The following APBA2 variants were observed in gnomAD, a reference collection of about 807,000 sequenced individuals.
APBA2 encodes the protein amyloid beta precursor protein binding family A member 2.
In APBA2, 30 loss-of-function variants were observed where a neutral mutation model predicts 75.0. The ratio of observed to expected loss-of-function variants is 0.40; its 90% CI spans 0.30 to 0.54. The LOEUF (loss-of-function observed/expected upper bound fraction) is 0.54. Among genes scored for constraint, APBA2 ranks in the 20% least tolerant of loss-of-function variants. The probability of loss-of-function intolerance (pLI) is 0.49; values close to 1 mark genes in which losing one functional copy is unlikely to be tolerated. For synonymous variants in APBA2, 444 were observed against 409.6 expected, an observed-to-expected ratio of 1.08 and a Z score of -1.01; for missense variants, 801 against 1,016.1, an observed-to-expected ratio of 0.79 and a Z score of 2.88.
At chr15:28,896,976 C>T (rs192615009) in intron 1 of APBA2, among the ~76,000 whole-genome samples, 11 of 152,224 alleles carry the variant, frequency 7.2e-5, no homozygotes, top group Middle Eastern at 3.4e-3. Flanking sequence ...GGGTCCATTA[C>T]GGGTGTTCAA....
chr15:29,040,788 A>G (rs2040998517), intron 3 of APBA2, among the ~76,000 whole-genome samples: 1 of 152,224 alleles, frequency 6.6e-6, no homozygotes. Context: ...GCAATCTACA[A>G]TTATTTGGGA....
chr15:29,048,919 G>A (rs1015395043), intron 3 of APBA2, among the ~76,000 whole-genome samples: 29 of 150,886 alleles, frequency 1.9e-4, no homozygotes, highest in African/African-American at 6.9e-4. Flanking sequence ...CTCCGGCCTG[G>A]CAACAGAGCA....
chr15:28,939,181 G>A (rs552114521), intron 2 of APBA2, among the ~76,000 whole-genome samples: 10 of 152,284 alleles, frequency 6.6e-5, no homozygotes, highest in South Asian at 4.1e-4. Context: ...TGTGGCATGC[G>A]TCAGAATTGC....
At chr15:28,961,114 A>C (rs2036446645) in intron 2 of APBA2, among the ~76,000 whole-genome samples, 1 of 152,122 alleles carries the variant, frequency 6.6e-6, no homozygotes, top group Non-Finnish European at 1.5e-5. Context: ...TCACACCGGG[A>C]AGTGATTCAT....
intron 4 of APBA2, among the ~76,000 whole-genome samples, chr15:29,065,004 AGTGTGTGTGT>A (rs35524060): frequency 8.1e-5 from 12 of 148,652 alleles, no homozygotes; most frequent in African/African-American, 2.7e-4. Context: ...AGGTGCTCAT[AGTGTGTGTGT>A]GTGTGTGTGT....
At chr15:29,002,694 A>G (rs2152803617) in intron 3 of APBA2, among the ~76,000 whole-genome samples, 1 of 152,248 alleles carries the variant, frequency 6.6e-6, no homozygotes, top group African/African-American at 2.4e-5. Flanking sequence ...GTTGAAAAAC[A>G]GAATGGTGGC....
rs1390288152 is a variant in APBA2 at position 29,116,093 on chromosome 15, GCT to G, written c.2179-967_2179-966del. Among the ~76,000 whole-genome samples, 5 of 152,280 alleles carry G rather than the reference GCT, an allele frequency of 3.3e-5. No individual in the cohort carries two copies. In the East Asian group the frequency reaches 9.7e-4, roughly 30 times the overall value. On this transcript the variant is annotated intron_variant, in intron 14 of 14. Transcript: ENST00000683413. ...TTCTTGAAGCAGACGTTTAGAGTCT[GCT>G]CCTTCCCAGTGTCCGCAAAGAAGGA...
chr15:29,057,867 A>T (rs750074172), intron 4 of APBA2, among the ~76,000 whole-genome samples: 1 of 152,184 alleles, frequency 6.6e-6, no homozygotes, highest in Non-Finnish European at 1.5e-5. Flanking sequence ...CCGTACATCA[A>T]CGTTGACCAT....
rs1371868423 is a variant in APBA2, at chr15:29,116,951, A to G, written c.2179-111A>G. The G allele has an allele frequency of 5.2e-6, 6 of 1,158,762 alleles. No homozygotes were observed. The East Asian group carries it at 1.2e-4, about 23-fold the overall frequency. The allele number at this position is 1,158,762 out of a possible 1,614,324, so 71.8% of individuals were successfully genotyped here. A position where few individuals can be genotyped will look rare whatever the true frequency, so the allele number is the denominator to read the frequency against. ...TGGCCTTCCTCCTTCACTCTAGGAG[A>G]TGGGCATTTGAAGCAGAACTCTGGG... On this transcript the variant is annotated intron_variant, in intron 14 of 14. Transcript: ENST00000683413.
intron 6 of APBA2, among the ~76,000 whole-genome samples, chr15:29,089,868 G>T (rs369721602): frequency 2.0e-5 from 3 of 152,170 alleles, no homozygotes; most frequent in Non-Finnish European, 4.4e-5. Flanking sequence ...TTGTCATTTT[G>T]TCTCCCTCTG....
chr15:29,064,104 C>A (rs577397278), intron 4 of APBA2, among the ~76,000 whole-genome samples: 10 of 152,274 alleles, frequency 6.6e-5, no homozygotes, highest in African/African-American at 2.4e-4. Context: ...CCAAGGGCTG[C>A]CCTGATTTTC....
intron 6 of APBA2, among the ~76,000 whole-genome samples, chr15:29,089,172 A>G (rs1051132180): frequency 2.4e-4 from 36 of 152,252 alleles, no homozygotes; most frequent in Admixed American, 3.9e-4. Context: ...TGTGAGCTCC[A>G]TGTTTCTGTC....
At chr15:28,899,218 G>A (rs980610419) in intron 1 of APBA2, among the ~76,000 whole-genome samples, 14 of 152,206 alleles carry the variant, frequency 9.2e-5, no homozygotes, top group Non-Finnish European at 1.8e-4. Context: ...CCCCAGGCAA[G>A]GGCCCAACCC....
chr15:28,906,692 T>G (rs957902429), intron 1 of APBA2, among the ~76,000 whole-genome samples: 3 of 152,210 alleles, frequency 2.0e-5, no homozygotes, highest in Admixed American at 6.5e-5. Context: ...TTTCATTCAG[T>G]CATGTGGGTA....
rs764031839 is a variant in APBA2, at chr15:29,105,402, C to A, written c.1548C>A (p.Ile516=). The change falls in exon 11 of 15, where the codon ATC becomes ATA. Residue 516 remains isoleucine (I), a synonymous_variant. Transcript: ENST00000683413. ...SEDAQLIAQS[I]GQAFSVAYQE... ...AGGCCCAGCTCATCGCCCAGTCTAT[C>A]GGCCAGGCCTTCAGCGTGGCCTACC... is the stretch of plus-strand genomic sequence containing the variant. 1 of 1,612,330 alleles carries A rather than the reference C, an allele frequency of 6.2e-7. No individual in the cohort carries two copies. The highest frequency in any genetic ancestry group is 2.2e-5 in the East Asian group (1 of 44,866).
At chr15:28,941,032 G>C (rs1201265562) in intron 2 of APBA2, among the ~76,000 whole-genome samples, 1 of 152,152 alleles carries the variant, frequency 6.6e-6, no homozygotes, top group Non-Finnish European at 1.5e-5. Flanking sequence ...AAGTCCATGA[G>C]TTTTTTTAAC....
intron 2 of APBA2, among the ~76,000 whole-genome samples, chr15:28,954,031 T>C (rs2036033282): frequency 1.3e-5 from 2 of 151,994 alleles, no homozygotes; most frequent in African/African-American, 4.8e-5. Context: ...TCAACCCCAA[T>C]CTCCACATCT....
intron 1 of APBA2, among the ~76,000 whole-genome samples, chr15:28,892,481 G>C (rs1439431111): frequency 1.3e-5 from 2 of 152,188 alleles, no homozygotes; most frequent in Admixed American, 1.3e-4. Context: ...TGCTGCCCAG[G>C]TGTGTAGCCT....
chr15:29,008,187 A>G (rs2039222709), intron 3 of APBA2, among the ~76,000 whole-genome samples: 1 of 152,200 alleles, frequency 6.6e-6, no homozygotes, highest in Non-Finnish European at 1.5e-5. Context: ...AGAATAGTCA[A>G]ATTCATGGAG....
Sources: gnomAD v4.1 joint callset for allele counts (sites outside exome capture counted in the v4.1 genomes callset) on GRCh38, gnomAD v4.1.1 for gene constraint, MANE v1.5 for transcripts, NCBI Gene and HGNC (gene_info 2026-07-23, HGNC 2026-07-21) for gene names.